Variants in LARGE1 observed in about 807,000 individuals in gnomAD.
LARGE1 encodes xylosyl- and glucuronyltransferase LARGE1.
In LARGE1, 43 loss-of-function variants were observed where a neutral mutation model predicts 87.6. The ratio of observed to expected loss-of-function variants is 0.49; its 90% confidence interval spans 0.38 to 0.63. The LOEUF (loss-of-function observed/expected upper bound fraction) is 0.63, where lower values mean the gene tolerates loss of function less well. LARGE1 is among the 30% of genes least tolerant of loss of function. The pLI, the probability that LARGE1 is intolerant of heterozygous loss-of-function variation, is 0.00. For missense variants in LARGE1, 802 were observed against 1,000.2 expected, an observed-to-expected ratio of 0.80 and a Z score of 2.67; for synonymous variants, 434 against 394.6, an observed-to-expected ratio of 1.10 and a Z score of -1.18.
chr22:33,338,387 A>C (rs4613386), intron 9 of LARGE1, among the ~76,000 whole-genome samples: 19,922 of 151,868 alleles, frequency 0.13, 2,692 homozygotes, highest in African/African-American at 0.35. Flanking sequence ...TTCTCGGCCC[A>C]GTGATGCTGC....
intron 1 of LARGE1, among the ~76,000 whole-genome samples, chr22:33,864,464 G>A (rs1322606472): frequency 6.6e-6 from 1 of 152,202 alleles, no homozygotes; most frequent in Non-Finnish European, 1.5e-5. Flanking sequence ...ACATAGGCAA[G>A]GTGCAGGTGG....
chr22:33,604,215 T>C (rs575928542), intron 5 of LARGE1, among the ~76,000 whole-genome samples: 1 of 152,292 alleles, frequency 6.6e-6, no homozygotes, highest in Admixed American at 6.5e-5. Flanking sequence ...AAAGCCTTGG[T>C]GGTCAAAACT....
Position 33,485,638 on chromosome 22 carries a change from T to TA in LARGE1, c.788-53374dup, listed in dbSNP as rs550988838. Among the ~76,000 whole-genome samples, 26 of 152,346 alleles carry TA rather than the reference T, an allele frequency of 1.7e-4. No individual in the cohort carries two copies. The South Asian group carries it at 4.1e-3, about 24-fold the overall frequency. On this transcript the variant is annotated intron_variant, in intron 6 of 14. Transcript: ENST00000397394. ...GAATATTCCATGACTTTCTGTCACT[T>TA]AGACGTTGTTTTTTAAACTCTTGTC...
At chr22:33,191,214 A>G (rs545354208) in intron 11 of LARGE1, among the ~76,000 whole-genome samples, 16 of 152,360 alleles carry the variant, frequency 1.1e-4, no homozygotes, top group African/African-American at 3.8e-4. Context: ...AGAGAGTTAA[A>G]GATGAATATT....
intron 6 of LARGE1, among the ~76,000 whole-genome samples, chr22:33,445,776 A>G (rs1239345415): frequency 4.6e-5 from 7 of 151,458 alleles, no homozygotes; most frequent in African/African-American, 1.7e-4. Context: ...CAGCCTCCTG[A>G]GTAGCTGGGA....
chr22:33,696,242 T>C (rs1016009863), intron 2 of LARGE1, among the ~76,000 whole-genome samples: 12 of 106,168 alleles, frequency 1.1e-4, no homozygotes, highest in African/African-American at 4.4e-4. Flanking sequence ...TATTTTTCTT[T>C]CTTTCTTTCT....
Position 33,340,047 on chromosome 22 carries a change from A to G in LARGE1, c.1132-2246T>C, listed in dbSNP as rs1414329951. On this transcript the variant is annotated intron_variant, in intron 9 of 14. Transcript: ENST00000397394. ...ATATCTGGTGGCATTCATTGTTAGT[A>G]TTAAAAATGATTCATTATTACTATA... Among the ~76,000 whole-genome samples the G allele has an allele frequency of 2.0e-5, 3 of 148,854 alleles. 1 individual carries two copies. The highest frequency in any genetic ancestry group is 7.8e-5 in the African/African-American group (3 of 38,380).
At chr22:33,581,811 CA>C (rs130418) in intron 5 of LARGE1, among the ~76,000 whole-genome samples, 24,603 of 77,450 alleles carry the variant, frequency 0.32, 1,748 homozygotes, top group East Asian at 0.43. Context: ...AACTCCGTCT[CA>C]AAAAAAAAAA....
intron 6 of LARGE1, among the ~76,000 whole-genome samples, chr22:33,435,355 C>T (rs2067230670): frequency 6.6e-6 from 1 of 152,158 alleles, no homozygotes; most frequent in Non-Finnish European, 1.5e-5. Flanking sequence ...ATGAAGTTGG[C>T]AATATTCAGG....
chr22:33,448,986 T>C (rs560547441), intron 6 of LARGE1, among the ~76,000 whole-genome samples: 6 of 152,320 alleles, frequency 3.9e-5, no homozygotes, highest in South Asian at 4.1e-4. Flanking sequence ...TTCATAAAAA[T>C]AGAATTATAA....
chr22:33,640,699 C>T (rs755213249), intron 3 of LARGE1, among the ~76,000 whole-genome samples: 4 of 152,200 alleles, frequency 2.6e-5, no homozygotes, highest in Non-Finnish European at 5.9e-5. Context: ...AAATTCTCCC[C>T]ACCAGCACAG....
At chr22:33,176,809 A>G (rs1047941009) in intron 11 of LARGE1, among the ~76,000 whole-genome samples, 4 of 152,244 alleles carry the variant, frequency 2.6e-5, no homozygotes, top group Non-Finnish European at 4.4e-5. Context: ...ATTACTGGAT[A>G]TATACCCAAA....
chr22:33,553,276 C>G (rs1357178243), intron 6 of LARGE1, among the ~76,000 whole-genome samples: 1 of 151,808 alleles, frequency 6.6e-6, no homozygotes, highest in African/African-American at 2.4e-5. Context: ...GAAGCTGAGG[C>G]GGGAGGATCG....
chr22:33,871,729 G>GCAACT (rs1555886928), intron 1 of LARGE1, among the ~76,000 whole-genome samples: 2 of 151,716 alleles, frequency 1.3e-5, no homozygotes, highest in Non-Finnish European at 1.5e-5. Context: ...CTTTCTCTCT[G>GCAACT]CAACTTTTCA....
At chr22:33,614,504 G>A (rs1569313915) in intron 4 of LARGE1, among the ~76,000 whole-genome samples, 1 of 151,858 alleles carries the variant, frequency 6.6e-6, no homozygotes, top group African/African-American at 2.4e-5. Context: ...GACCTTCAAC[G>A]ATCTCACCCT....
At chr22:33,619,964 C>T (rs375092650) in intron 4 of LARGE1, among the ~76,000 whole-genome samples, 6 of 152,098 alleles carry the variant, frequency 3.9e-5, no homozygotes, top group East Asian at 3.9e-4. Flanking sequence ...TGTAGAGGCA[C>T]GTGCTTAGGG....
chr22:33,510,356 C>A (rs764502058), intron 6 of LARGE1, among the ~76,000 whole-genome samples: 1 of 152,170 alleles, frequency 6.6e-6, no homozygotes, highest in Non-Finnish European at 1.5e-5. Flanking sequence ...AGGAACTTTA[C>A]AGATGAGGAA....
intron 1 of LARGE1, among the ~76,000 whole-genome samples, chr22:33,816,294 A>C (rs539566269): frequency 6.6e-6 from 1 of 152,286 alleles, no homozygotes; most frequent in South Asian, 2.1e-4. Context: ...AAGTTGTTAA[A>C]ACAAAATGCC....
the LARGE1 span, among the ~76,000 whole-genome samples, chr22:33,121,839 G>A: frequency 6.6e-6 from 1 of 152,304 alleles, no homozygotes; most frequent in South Asian, 2.1e-4. Context: ...GAGAAGCAAA[G>A]TCATGTCTTA....
Sources: gnomAD v4.1 joint callset for allele counts (sites outside exome capture counted in the v4.1 genomes callset) on GRCh38, gnomAD v4.1.1 for gene constraint, MANE v1.5 for transcripts, NCBI Gene and HGNC (gene_info 2026-07-23, HGNC 2026-07-21) for gene names.